Variants in DLG2 observed in about 807,000 individuals in gnomAD.
DLG2 encodes the protein disks large homolog 2.
DLG2 carries 45 observed loss-of-function variants against 132.5 expected under a neutral mutation model. That is an observed-to-expected ratio of 0.34 (90% CI 0.27 to 0.44). The LOEUF (loss-of-function observed/expected upper bound fraction) is 0.44, where lower values mean the gene tolerates loss of function less well. DLG2 is among the 20% of genes least tolerant of loss of function. The pLI is 1.00. For synonymous variants in DLG2, 424 were observed against 419.6 expected, an observed-to-expected ratio of 1.01 and a Z score of -0.13; for missense variants, 1,045 against 1,196.9, an observed-to-expected ratio of 0.87 and a Z score of 1.87.
chr11:83,499,898 T>TAAA (rs1555113167), intron 21 of DLG2, among the ~76,000 whole-genome samples: 1 of 96,500 alleles, frequency 1.0e-5, no homozygotes, highest in Non-Finnish European at 2.1e-5. Context: ...TATATATATA[T>TAAA]CAGTTCTGTC....
At chr11:85,229,383 GA>G (rs1220925691) in intron 4 of DLG2, among the ~76,000 whole-genome samples, 1 of 151,918 alleles carries the variant, frequency 6.6e-6, no homozygotes, top group Admixed American at 6.6e-5. Context: ...ACAAACATAT[GA>G]AAAAAAGCTT....
chr11:83,731,188 T>G (rs1184692262), intron 18 of DLG2, among the ~76,000 whole-genome samples: 1 of 152,186 alleles, frequency 6.6e-6, no homozygotes, highest in Non-Finnish European at 1.5e-5. Context: ...GCTACATAGG[T>G]ATACATGTGC....
chr11:84,613,891 C>A (rs1268228909), intron 6 of DLG2, among the ~76,000 whole-genome samples: 1 of 152,082 alleles, frequency 6.6e-6, no homozygotes, highest in East Asian at 1.9e-4. Context: ...CATATGGTCA[C>A]CAAGTTGGAG....
intron 7 of DLG2, among the ~76,000 whole-genome samples, chr11:84,352,513 C>G (rs1402214716): frequency 6.6e-6 from 1 of 152,008 alleles, no homozygotes; most frequent in East Asian, 1.9e-4. Context: ...ACTACATTTC[C>G]CAGAATTTTG....
chr11:85,075,839 A>G (rs1180514797), intron 6 of DLG2, among the ~76,000 whole-genome samples: 1 of 151,962 alleles, frequency 6.6e-6, no homozygotes, highest in Non-Finnish European at 1.5e-5. Context: ...CTCTGGGAAT[A>G]AAACTGATTA....
At chr11:85,463,945 A>G (rs2092696845) in intron 3 of DLG2, among the ~76,000 whole-genome samples, 1 of 148,394 alleles carries the variant, frequency 6.7e-6, no homozygotes, top group Non-Finnish European at 1.5e-5. Flanking sequence ...AATTTAATAT[A>G]CTGTACTATT....
At chr11:83,493,108 G>C (rs2093952496) in intron 21 of DLG2, among the ~76,000 whole-genome samples, 1 of 152,032 alleles carries the variant, frequency 6.6e-6, no homozygotes, top group Non-Finnish European at 1.5e-5. Context: ...CATTGGCCTT[G>C]TTGCTTTTCC....
chr11:84,330,596 G>GT (rs1331419970), intron 7 of DLG2, among the ~76,000 whole-genome samples: 1 of 152,098 alleles, frequency 6.6e-6, no homozygotes, highest in African/African-American at 2.4e-5. Context: ...TAAGACTTTG[G>GT]TTTTTTGAAA....
intron 19 of DLG2, among the ~76,000 whole-genome samples, chr11:83,601,325 G>A (rs2058502007): frequency 6.6e-6 from 1 of 152,018 alleles, no homozygotes; most frequent in South Asian, 2.1e-4. Flanking sequence ...ATTCCCTAAG[G>A]TGTTCTGTAT....
chr11:84,903,677 T>C (rs566144753), intron 6 of DLG2, among the ~76,000 whole-genome samples: 1 of 152,264 alleles, frequency 6.6e-6, no homozygotes, highest in East Asian at 1.9e-4. Flanking sequence ...ATAGTTTCCC[T>C]CAACTACAAA....
intron 7 of DLG2, among the ~76,000 whole-genome samples, chr11:84,360,646 G>C (rs531601763): frequency 2.0e-5 from 3 of 151,916 alleles, no homozygotes; most frequent in African/African-American, 7.2e-5. Context: ...AAATTGTTTT[G>C]GGTAGCCATG....
At chr11:85,122,116 C>CAGCTAA (rs1379978834) in intron 5 of DLG2, among the ~76,000 whole-genome samples, 31 of 152,140 alleles carry the variant, frequency 2.0e-4, no homozygotes, top group African/African-American at 7.2e-4. Context: ...GGTAAGTGAT[C>CAGCTAA]AGCTATAAAT....
intron 7 of DLG2, among the ~76,000 whole-genome samples, chr11:84,419,563 A>G (rs2098941427): frequency 1.3e-5 from 2 of 152,198 alleles, no homozygotes; most frequent in South Asian, 2.1e-4. Context: ...TTTTATGATC[A>G]TTTCTCTTTC....
At chr11:83,549,396 G>A (rs2096326786) in intron 19 of DLG2, among the ~76,000 whole-genome samples, 1 of 152,122 alleles carries the variant, frequency 6.6e-6, no homozygotes, top group Non-Finnish European at 1.5e-5. Flanking sequence ...TCTATAAAAT[G>A]AGGTTTGTCA....
intron 3 of DLG2, among the ~76,000 whole-genome samples, chr11:85,422,189 T>A (rs1473546003): frequency 6.6e-6 from 1 of 152,234 alleles, no homozygotes; most frequent in Non-Finnish European, 1.5e-5. Context: ...GCAATGAATT[T>A]CCCAGGAATT....
chr11:85,183,615 G>T (rs2079882281), intron 4 of DLG2, among the ~76,000 whole-genome samples: 1 of 151,800 alleles, frequency 6.6e-6, no homozygotes, highest in Non-Finnish European at 1.5e-5. Flanking sequence ...AACACTAACA[G>T]GAATAAAAGA....
intron 3 of DLG2, among the ~76,000 whole-genome samples, chr11:85,511,510 C>T (rs181757171): frequency 3.9e-4 from 60 of 152,068 alleles, no homozygotes; most frequent in African/African-American, 1.4e-3. Context: ...CTGAACCCAT[C>T]TAACAATAAA....
chr11:85,432,912 C>A (rs1326520150), intron 3 of DLG2, among the ~76,000 whole-genome samples: 1 of 152,060 alleles, frequency 6.6e-6, no homozygotes, highest in Non-Finnish European at 1.5e-5. Flanking sequence ...TAAGGGCAGC[C>A]AGAGAGAAAG....
chr11:85,493,863 GAAAGAA>G (rs527481913), intron 3 of DLG2, among the ~76,000 whole-genome samples: 2 of 151,906 alleles, frequency 1.3e-5, no homozygotes, highest in African/African-American at 2.4e-5. Flanking sequence ...AGAAAGGAAA[GAAAGAA>G]AAAGAAAAAG....
Sources: allele counts gnomAD v4.1 joint callset (sites outside exome capture counted in the v4.1 genomes callset), GRCh38; gene constraint gnomAD v4.1.1; transcripts MANE v1.5; gene names NCBI Gene and HGNC (gene_info 2026-07-23, HGNC 2026-07-21).